The following PHLPP1 variants were observed in gnomAD, a reference collection of about 807,000 sequenced individuals.
The protein encoded by PHLPP1 is PH domain and leucine rich repeat protein phosphatase 1.
PHLPP1 carries 42 observed loss-of-function variants against 117.2 expected under a neutral mutation model. That is an observed-to-expected ratio of 0.36 (90% CI 0.28 to 0.46). The LOEUF is 0.46. Ranked by LOEUF, PHLPP1 falls within the 20% of genes least tolerant of loss-of-function variation. The pLI is 1.00. For missense variants in PHLPP1, 2,084 were observed against 2,241.9 expected (o/e 0.93, Z 1.42); for synonymous variants, 1,042 against 970.7 (o/e 1.07, Z -1.37).
intron 11 of PHLPP1, among the ~76,000 whole-genome samples, chr18:62,942,264 T>C (rs999273594): frequency 1.3e-5 from 2 of 152,182 alleles, no homozygotes; most frequent in Non-Finnish European, 2.9e-5. Flanking sequence ...TGCGTGCCTG[T>C]AGTCCCAGCT....
At position 62,895,773 on chromosome 18, in the gene PHLPP1, T is replaced by C. The variant is rs1916545296; in HGVS notation, c.2214-8T>C. 1.3e-6 allele frequency: 2 copies of C among 1,520,738 alleles called. No homozygotes were observed. The highest frequency in any genetic ancestry group is 1.7e-5 in the Admixed American group (1 of 59,600). The allele number at this position is 1,520,738 out of a possible 1,614,324, so 94.2% of individuals were successfully genotyped here. On this transcript the variant is annotated splice_polypyrimidine_tract_variant and splice_region_variant and intron_variant, in intron 5 of 16. Coordinates refer to ENST00000262719, the MANE Select transcript of PHLPP1 (RefSeq NM_194449.4). ...TTCTCTTTGTAATTCTTATGTTTTC[T>C]CTAATAGCTTACAGACATTTTTGTT...
At chr18:62,868,447 C>G (rs1265092962) in intron 4 of PHLPP1, among the ~76,000 whole-genome samples, 1 of 151,484 alleles carries the variant, frequency 6.6e-6, no homozygotes, top group Non-Finnish European at 1.5e-5. Context: ...CATGGTGAAA[C>G]CCGTCTCTAC....
At chr18:62,864,896 T>C (rs950879678) in intron 4 of PHLPP1, among the ~76,000 whole-genome samples, 1 of 152,246 alleles carries the variant, frequency 6.6e-6, no homozygotes, top group African/African-American at 2.4e-5. Context: ...TAGAATCTAA[T>C]AACAGGTATA....
In PHLPP1 at chr18:62,941,840, G is replaced by A; in HGVS notation, c.3083G>A (p.Cys1028Tyr). 1 of 1,613,994 alleles carries A rather than the reference G, an allele frequency of 6.2e-7. No individual in the cohort carries two copies. ...YLTNNSLTDK[C>Y]VPLLTGHPHL... ...ACAAATAACAGCCTCACAGACAAAT[G>A]TGTGCCCTTGTTAACGGGACACCCC... is the stretch of plus-strand genomic sequence containing the variant. The change falls in exon 11 of 17, where the codon TGT becomes TAT. Residue 1028 changes from cysteine (C) to tyrosine (Y), a missense_variant. Around this residue, in one of 2 missense-constraint regions of PHLPP1, gnomAD observed 1,365 missense variants for 1,605.9 expected, o/e 0.85. Transcript: ENST00000262719.
intron 1 of PHLPP1, chr18:62,826,341 A>G: frequency 2.8e-6 from 1 of 354,110 alleles, no homozygotes; most frequent in South Asian, 2.2e-5. Flanking sequence ...ATTATTTTAG[A>G]TTTATGGTCA....
chr18:62,951,228 G>A (rs1036719406), intron 12 of PHLPP1, among the ~76,000 whole-genome samples: 9 of 152,026 alleles, frequency 5.9e-5, no homozygotes, highest in African/African-American at 9.7e-5. Context: ...TGATCCGCCC[G>A]CCTCGTCCTC....
At chr18:62,912,347 CAAA>C (rs71340132) in intron 8 of PHLPP1, among the ~76,000 whole-genome samples, 1 of 126,078 alleles carries the variant, frequency 7.9e-6, no homozygotes, top group Non-Finnish European at 1.8e-5. Context: ...CCTGATCCAT[CAAA>C]AAAAAAATTT....
At chr18:62,777,527 C>A (rs920107897) in intron 1 of PHLPP1, among the ~76,000 whole-genome samples, 4 of 150,224 alleles carry the variant, frequency 2.7e-5, no homozygotes, top group Non-Finnish European at 5.9e-5. Flanking sequence ...ATATTTCTTA[C>A]ATATTATCTA....
chr18:62,745,584 C>T (rs973176083), intron 1 of PHLPP1, among the ~76,000 whole-genome samples: 14 of 152,022 alleles, frequency 9.2e-5, no homozygotes, highest in Non-Finnish European at 1.8e-4. Flanking sequence ...TGGTGAGTGA[C>T]GGGGATGTGC....
chr18:62,815,015 C>T (rs1914224985), intron 1 of PHLPP1, among the ~76,000 whole-genome samples: 1 of 152,178 alleles, frequency 6.6e-6, no homozygotes, highest in Non-Finnish European at 1.5e-5. Flanking sequence ...AGACATTTAT[C>T]TCTGAGTCAG....
chr18:62,816,590 A>T (rs965095693), intron 1 of PHLPP1, among the ~76,000 whole-genome samples: 2 of 152,090 alleles, frequency 1.3e-5, no homozygotes, highest in South Asian at 2.1e-4. Context: ...TAAATAATAA[A>T]AAAAAAGAAG....
chr18:62,836,965 G>A (rs973910116), intron 2 of PHLPP1, among the ~76,000 whole-genome samples: 2 of 152,068 alleles, frequency 1.3e-5, no homozygotes, highest in Non-Finnish European at 2.9e-5. Context: ...CAAAAACAAA[G>A]TTATAGGACT....
chr18:62,948,273 C>A (rs1051869902), intron 12 of PHLPP1, among the ~76,000 whole-genome samples: 10 of 151,392 alleles, frequency 6.6e-5, no homozygotes, highest in African/African-American at 2.2e-4. Flanking sequence ...TACAGTGAGC[C>A]GAGATCACAC....
Position 62,978,328 on chromosome 18 carries a change from G to A in PHLPP1, c.4051G>A (p.Val1351Met). ...GGGCTACACCTTCCTCCATCCCAGTGTGGTGCCTCGCCCCCACGTGCAGTC... is the reference window on the plus strand; with the variant it reads ...GGGCTACACCTTCCTCCATCCCAGTATGGTGCCTCGCCCCCACGTGCAGTC... ...ILGYTFLHPS[V>M]VPRPHVQSVL... is the part of the protein sequence containing the mutation. The change falls in exon 17 of 17, where the codon GTG becomes ATG. Residue 1351 changes from valine (V) to methionine (M), a missense_variant. Coordinates refer to ENST00000262719, the MANE Select transcript of PHLPP1 (RefSeq NM_194449.4). The surrounding 1 kb of genome is among the most constrained non-coding windows in gnomAD (Gnocchi z 7.0). The A allele has an allele frequency of 6.2e-7, 1 of 1,613,350 alleles. No homozygotes were observed. The highest frequency in any genetic ancestry group is 8.5e-7 in the Non-Finnish European group (1 of 1,179,568).
At chr18:62,834,489 AATG>A (rs1227832786) in intron 2 of PHLPP1, among the ~76,000 whole-genome samples, 1 of 152,162 alleles carries the variant, frequency 6.6e-6, no homozygotes, top group Non-Finnish European at 1.5e-5. Context: ...CAATTCCTAT[AATG>A]ATCTCCTTGA....
intron 4 of PHLPP1, among the ~76,000 whole-genome samples, chr18:62,875,471 C>T (rs1916023745): frequency 6.6e-6 from 1 of 151,886 alleles, no homozygotes; most frequent in African/African-American, 2.4e-5. Flanking sequence ...GCAGTATGGC[C>T]TTAACTTTTA....
chr18:62,839,191 G>T, intron 3 of PHLPP1: 1 of 302,402 alleles, frequency 3.3e-6, no homozygotes, highest in Non-Finnish European at 6.2e-6. Context: ...ATGAGATTGG[G>T]AATATTTGAG....
Position 62,969,262 on chromosome 18 carries a change from CT to C in PHLPP1, c.3561-3247del, listed in dbSNP as rs370301085. Among the ~76,000 whole-genome samples, 746 of 152,122 alleles carry C rather than the reference CT, an allele frequency of 4.9e-3. 4 individuals carry two copies. The highest frequency in any genetic ancestry group is 0.017 in the African/African-American group (712 of 41,520). ...CTTGCTTTGGGTTTGTTATGTACTTCTTTTTCTAGTTTCTTTAAATGGAAGC... is the reference window on the plus strand; with the variant it reads ...CTTGCTTTGGGTTTGTTATGTACTTCTTTTCTAGTTTCTTTAAATGGAAGC... On this transcript the variant is annotated intron_variant, in intron 14 of 16. Transcript: ENST00000262719.
intron 1 of PHLPP1, among the ~76,000 whole-genome samples, chr18:62,748,190 A>G (rs1255624613): frequency 6.6e-6 from 1 of 151,702 alleles, no homozygotes; most frequent in Non-Finnish European, 1.5e-5. Context: ...CTTTAATTCA[A>G]TGTATTTTGA....
Sources: allele counts gnomAD v4.1 joint callset (sites outside exome capture counted in the v4.1 genomes callset), GRCh38; gene constraint gnomAD v4.1.1; regional missense constraint gnomAD v4.1.1; non-coding constraint Gnocchi (gnomAD v3.1); transcripts MANE v1.5; gene names NCBI Gene and HGNC (gene_info 2026-07-23, HGNC 2026-07-21).